The following DLC1 variants were observed in gnomAD, a reference collection of about 807,000 sequenced individuals.
The protein encoded by DLC1 is rho GTPase-activating protein 7.
Under a neutral mutation model 140.3 loss-of-function variants are expected in DLC1, and 54 were observed. The observed-to-expected ratio is 0.38, with a 90% confidence interval of 0.31 to 0.48. The LOEUF (loss-of-function observed/expected upper bound fraction) is 0.48, where lower values mean the gene tolerates loss of function less well. DLC1 is among the 20% of genes least tolerant of loss of function. DLC1 has a pLI of 0.96. For synonymous variants in DLC1, 986 were observed against 728.1 expected (o/e 1.35, Z -5.70); for missense variants, 2,536 against 1,907.0 (o/e 1.33, Z -6.14).
At chr8:13,566,684 C>A (rs529313853) in intron 1 of DLC1, among the ~76,000 whole-genome samples, 2 of 152,364 alleles carry the variant, frequency 1.3e-5, no homozygotes, top group Admixed American at 1.3e-4. Flanking sequence ...CCGTTGACTA[C>A]TCGACTTTAG....
At chr8:13,258,865 C>T (rs1447254422) in intron 5 of DLC1, among the ~76,000 whole-genome samples, 7 of 152,058 alleles carry the variant, frequency 4.6e-5, no homozygotes, top group African/African-American at 1.7e-4. Flanking sequence ...AGGCCGGGCG[C>T]GGTGGCTCAC....
chr8:13,285,291 C>A (rs1369957281), intron 5 of DLC1, among the ~76,000 whole-genome samples: 1 of 152,050 alleles, frequency 6.6e-6, no homozygotes, highest in Non-Finnish European at 1.5e-5. Flanking sequence ...GGGAGATAAT[C>A]TACCTGAAAT....
At chr8:13,415,464 A>G (rs906474623) in intron 2 of DLC1, among the ~76,000 whole-genome samples, 19 of 150,978 alleles carry the variant, frequency 1.3e-4, no homozygotes, top group South Asian at 8.3e-4. Flanking sequence ...TAGTAGCGCG[A>G]CCATGGCTCA....
intron 1 of DLC1, among the ~76,000 whole-genome samples, chr8:13,576,665 C>T (rs1056136314): frequency 1.1e-4 from 16 of 152,026 alleles, no homozygotes; most frequent in African/African-American, 3.6e-4. Context: ...CAGAGAAATG[C>T]CTATCTTCTT....
chr8:13,117,337 G>C (rs1430249040), intron 5 of DLC1, among the ~76,000 whole-genome samples: 1 of 151,988 alleles, frequency 6.6e-6, no homozygotes, highest in Non-Finnish European at 1.5e-5. Context: ...AATTAGTCAG[G>C]TGTGGTGGTG....
rs1165990889 is a variant in DLC1 at position 13,499,542 on chromosome 8, T to G, written c.530A>C (p.Glu177Ala). 6.8e-6 allele frequency: 11 copies of G among 1,614,194 alleles called. No individual in the cohort carries two copies. The South Asian group carries it at 1.1e-4, about 16-fold the overall frequency. The change falls in exon 2 of 18, where the codon GAA becomes GCA. Residue 177 changes from glutamate to alanine, a missense_variant. Transcript: ENST00000276297. ...GTCAGTAACTTTTCTCTCCCCACTT[T>G]CTTTTACCAGTGCTAATTCAGTTTC... ...AGETELALVKESGERKVTDSI... is the reference protein window; with the variant it reads ...AGETELALVKASGERKVTDSI...
intron 1 of DLC1, among the ~76,000 whole-genome samples, chr8:13,528,349 T>G (rs1802985618): frequency 6.6e-6 from 1 of 152,298 alleles, no homozygotes; most frequent in East Asian, 1.9e-4. Context: ...TTTAAAAAAC[T>G]TAAAAATTTA....
intron 5 of DLC1, among the ~76,000 whole-genome samples, chr8:13,252,946 C>T (rs1830076040): frequency 6.6e-6 from 1 of 152,118 alleles, no homozygotes; most frequent in African/African-American, 2.4e-5. Flanking sequence ...CTAATCCTAC[C>T]CTTCTGTGTT....
chr8:13,257,782 A>G (rs1185509885), intron 5 of DLC1, among the ~76,000 whole-genome samples: 1 of 151,986 alleles, frequency 6.6e-6, no homozygotes, highest in Non-Finnish European at 1.5e-5. Flanking sequence ...TGAAGGTAGA[A>G]TGTTCTAATC....
intron 4 of DLC1, among the ~76,000 whole-genome samples, chr8:13,332,376 C>G (rs1164587782): frequency 6.6e-6 from 1 of 151,812 alleles, no homozygotes; most frequent in African/African-American, 2.4e-5. Context: ...GCACACATAG[C>G]ATACCTTGGT....
At chr8:13,165,062 T>C (rs974327197) in intron 5 of DLC1, among the ~76,000 whole-genome samples, 4 of 152,222 alleles carry the variant, frequency 2.6e-5, no homozygotes, top group African/African-American at 9.6e-5. Context: ...CTGATTGGTT[T>C]CTCTTTCTAC....
intron 7 of DLC1, among the ~76,000 whole-genome samples, chr8:13,106,493 A>G (rs939826360): frequency 6.6e-6 from 1 of 152,160 alleles, no homozygotes; most frequent in African/African-American, 2.4e-5. Context: ...GACTACAGGT[A>G]TGCACCATCA....
intron 1 of DLC1, among the ~76,000 whole-genome samples, chr8:13,557,191 A>G (rs1296920432): frequency 6.6e-6 from 1 of 151,998 alleles, no homozygotes; most frequent in East Asian, 1.9e-4. Context: ...AAACCTTTAA[A>G]CTGTGTTATC....
At chr8:13,391,849 T>G (rs904244881) in intron 4 of DLC1, among the ~76,000 whole-genome samples, 1 of 151,158 alleles carries the variant, frequency 6.6e-6, no homozygotes, top group Non-Finnish European at 1.5e-5. Flanking sequence ...ACAAAGTGAA[T>G]TAAATAATAA....
intron 4 of DLC1, among the ~76,000 whole-genome samples, chr8:13,332,612 G>A (rs147806875): frequency 4.3e-5 from 2 of 46,970 alleles, no homozygotes; most frequent in Non-Finnish European, 5.5e-5. Context: ...TGTATGTTTA[G>A]TAGAGATTGG....
chr8:13,377,016 A>T (rs1000742992), intron 4 of DLC1, among the ~76,000 whole-genome samples: 1 of 152,200 alleles, frequency 6.6e-6, no homozygotes, highest in Non-Finnish European at 1.5e-5. Flanking sequence ...AATCTTTTGG[A>T]TGCTTCACAC....
intron 4 of DLC1, among the ~76,000 whole-genome samples, chr8:13,363,905 C>T (rs1185151822): frequency 6.6e-6 from 1 of 152,102 alleles, no homozygotes; most frequent in African/African-American, 2.4e-5. Flanking sequence ...TAAAGAAAAC[C>T]AGGTATAAAG....
chr8:13,274,234 C>T (rs1055967472), intron 5 of DLC1, among the ~76,000 whole-genome samples: 1 of 152,156 alleles, frequency 6.6e-6, no homozygotes, highest in East Asian at 1.9e-4. Context: ...TGGCTGTGCA[C>T]CAAGTCAATC....
chr8:13,504,640 T>C (rs1801972914), intron 1 of DLC1, among the ~76,000 whole-genome samples: 1 of 152,046 alleles, frequency 6.6e-6, no homozygotes, highest in African/African-American at 2.4e-5. Context: ...GAAAAAGAGA[T>C]GATATATTAG....
Sources: gnomAD v4.1 joint callset for allele counts (sites outside exome capture counted in the v4.1 genomes callset) on GRCh38, gnomAD v4.1.1 for gene constraint, MANE v1.5 for transcripts, NCBI Gene and HGNC (gene_info 2026-07-23, HGNC 2026-07-21) for gene names.